WRNIP1: variants seen among roughly 807,000 people sequenced by gnomAD.
WRNIP1 encodes ATPase WRNIP1.
A neutral mutation model predicts 56.1 loss-of-function variants in WRNIP1; 41 were observed. That is an observed-to-expected ratio of 0.73 (90% CI 0.57 to 0.95). The LOEUF (loss-of-function observed/expected upper bound fraction) is 0.95. Among genes scored for constraint, WRNIP1 ranks in the 40% least tolerant of loss-of-function variants. The pLI is 0.00. For synonymous variants in WRNIP1, 547 were observed against 398.1 expected, an observed-to-expected ratio of 1.37 and a Z score of -4.45; for missense variants, 1,170 against 939.4, an observed-to-expected ratio of 1.25 and a Z score of -3.21.
In WRNIP1 at chr6:2,765,991, C is replaced by G; in HGVS notation, c.369C>G (p.Ile123Met). Residue 123 changes from isoleucine (I) to methionine (M), a missense_variant, in exon 1 of 7, where the codon ATC (isoleucine) becomes ATG (methionine). Physicochemically the swap from Ile to Met is conservative, Grantham distance 10. Transcript: ENST00000380773. ...CCACACCCAGCGGCGCCCGCCTTAT[C>G]CCCGACTTCCCGGTGGCCCGCTCCA... ...APPTPSGARL[I>M]PDFPVARSSS... 3 of 1,384,752 alleles carry G rather than the reference C, an allele frequency of 2.2e-6. No individual in the cohort carries two copies. Among genetic ancestry groups the G allele is most frequent in the Non-Finnish European group, 2.8e-6 (3 of 1,067,298 alleles). The allele number at this position is 1,384,752 out of a possible 1,614,324, so 85.8% of individuals were successfully genotyped here.
intron 1 of WRNIP1, among the ~76,000 whole-genome samples, chr6:2,767,699 A>C (rs998733158): frequency 2.6e-5 from 4 of 152,242 alleles, no homozygotes; most frequent in African/African-American, 9.6e-5. Flanking sequence ...AGAATGGATA[A>C]TCAGCTGTTG....
chr6:2,774,207 G>T, intron 3 of WRNIP1: 2 of 985,206 alleles, frequency 2.0e-6, no homozygotes, highest in East Asian at 1.1e-4. Context: ...TAATACAAGG[G>T]TGCATTAAAA....
intron 3 of WRNIP1, among the ~76,000 whole-genome samples, chr6:2,770,937 A>T (rs1484787810): frequency 6.6e-6 from 1 of 152,180 alleles, no homozygotes; most frequent in East Asian, 1.9e-4. Context: ...GGCTGTCCCT[A>T]TCCTTTTAGT....
intron 4 of WRNIP1, 50 bp from the exon 5 acceptor site, chr6:2,783,356 G>C (rs778703608): frequency 1.3e-6 from 2 of 1,485,230 alleles, no homozygotes; most frequent in South Asian, 2.7e-5. Flanking sequence ...AAGATGGCTT[G>C]GGCGCCCCTC....
At chr6:2,778,844 C>A (rs1274181308) in intron 3 of WRNIP1, among the ~76,000 whole-genome samples, 2 of 152,198 alleles carry the variant, frequency 1.3e-5, no homozygotes, top group Non-Finnish European at 2.9e-5. Context: ...GTGGTCTAAG[C>A]ACATCTGTCT....
rs1381316409 is a variant in WRNIP1 at position 2,765,486 on chromosome 6, C to T, written c.-137C>T. The T allele has an allele frequency of 3.5e-6, 4 of 1,153,396 alleles. No homozygotes were observed. Among genetic ancestry groups the T allele is most frequent in the African/African-American group, 1.6e-5 (1 of 61,432 alleles). The allele number at this position is 1,153,396 out of a possible 1,614,324, so 71.4% of individuals were successfully genotyped here. ...GGACGTGAGGCATGAGCGGCGCCCTCCTCCGGCCCGCGAGCGTCCTGCTGG... is the reference window on the plus strand; with the variant it reads ...GGACGTGAGGCATGAGCGGCGCCCTTCTCCGGCCCGCGAGCGTCCTGCTGG... On this transcript the variant is annotated 5_prime_UTR_variant, in exon 1 of 7. Transcript: ENST00000380773.
chr6:2,774,380 G>A, intron 3 of WRNIP1: 3 of 697,804 alleles, frequency 4.3e-6, no homozygotes, highest in Non-Finnish European at 5.3e-6. Context: ...GTATCAACAA[G>A]GCGATGCTCT....
At chr6:2,770,882 C>T (rs1327485156) in intron 3 of WRNIP1, among the ~76,000 whole-genome samples, 2 of 151,844 alleles carry the variant, frequency 1.3e-5, no homozygotes, top group Non-Finnish European at 2.9e-5. Context: ...AGTTGAAACT[C>T]AGTTTCATGA....
intron 3 of WRNIP1, among the ~76,000 whole-genome samples, chr6:2,772,010 A>G (rs160662): frequency 0.014 from 2,136 of 152,332 alleles, 86 homozygotes; most frequent in East Asian, 0.12. Context: ...ATTAATATTG[A>G]TGACATGAAG....
At chr6:2,771,527 C>G (rs1263701325) in intron 3 of WRNIP1, among the ~76,000 whole-genome samples, 1 of 152,160 alleles carries the variant, frequency 6.6e-6, no homozygotes, top group Admixed American at 6.5e-5. Flanking sequence ...AGGGGGCTGC[C>G]AGCTCCTCAT....
At chr6:2,774,148 T>C in intron 3 of WRNIP1, 2 of 985,154 alleles carry the variant, frequency 2.0e-6, no homozygotes, top group Non-Finnish European at 2.4e-6. Flanking sequence ...AATCTTTTTA[T>C]TTAAAAATTT....
Position 2,765,991 on chromosome 6 carries a change from C to T in WRNIP1, c.369C>T (p.Ile123=), listed in dbSNP as rs757331432. Reference sequence around the variant, plus strand: ...CCACACCCAGCGGCGCCCGCCTTATCCCCGACTTCCCGGTGGCCCGCTCCA... The same window carrying T: ...CCACACCCAGCGGCGCCCGCCTTATTCCCGACTTCCCGGTGGCCCGCTCCA... ...APPTPSGARL[I]PDFPVARSSS... The change falls in exon 1 of 7, where the codon ATC becomes ATT. Residue 123 remains isoleucine, a synonymous_variant. Transcript: ENST00000380773. 4 of 1,384,644 alleles carry T rather than the reference C, an allele frequency of 2.9e-6. No individual in the cohort carries two copies. Among genetic ancestry groups the T allele is most frequent in the East Asian group, 3.1e-5 (1 of 32,588 alleles). 85.8% of individuals were successfully genotyped at this position (1,384,644 alleles called of 1,614,324 possible).
Position 2,766,315 on chromosome 6 carries a change from G to A in WRNIP1, c.693G>A (p.Met231Ile), listed in dbSNP as rs1227551274. Residue 231 changes from methionine to isoleucine, a missense_variant, in exon 1 of 7, where the codon ATG becomes ATA. Physicochemically the swap from Met to Ile is conservative, Grantham distance 10. Transcript: ENST00000380773. Reference protein sequence around the residue: ...MLQGKPLADTMRPDTLQDYFG... With the variant: ...MLQGKPLADTIRPDTLQDYFG... ...AGGGCAAGCCGCTGGCCGACACGAT[G>A]CGTCCTGACACGCTGCAGGATTACT... 1 of 1,610,280 alleles carries A rather than the reference G, an allele frequency of 6.2e-7. No homozygotes were observed. Among genetic ancestry groups the A allele is most frequent in the African/African-American group, 1.3e-5 (1 of 74,858 alleles).
In WRNIP1 at chr6:2,785,267, G is replaced by A. The variant is rs752643222; in HGVS notation, c.1983G>A (p.Lys661=). ...PEELRGVDFF[K]QRRC ...AGTTGAGGGGGGTAGATTTCTTCAA[G>A]CAGAGGAGGTGCTGACTCCTCAGGG... The change falls in exon 7 of 7, where the codon AAG becomes AAA. Residue 661 remains lysine (K), a synonymous_variant. Coordinates refer to ENST00000380773, the MANE Select transcript of WRNIP1 (RefSeq NM_020135.3). The A allele has an allele frequency of 6.2e-6, 10 of 1,613,840 alleles. No homozygotes were observed. Among genetic ancestry groups the A allele is most frequent in the Non-Finnish European group, 8.5e-6 (10 of 1,179,852 alleles).
intron 4 of WRNIP1, 89 bp from the exon 5 acceptor site, chr6:2,783,317 G>C (rs1009930745): frequency 2.1e-6 from 3 of 1,403,970 alleles, no homozygotes; most frequent in Admixed American, 4.8e-5. Context: ...TATTCGTTCA[G>C]GCTTTCTGGA....
At chr6:2,784,820 C>T (rs1420551670) in intron 6 of WRNIP1, among the ~76,000 whole-genome samples, 187 bp from the exon 7 acceptor site, 2 of 152,070 alleles carry the variant, frequency 1.3e-5, no homozygotes, top group Non-Finnish European at 2.9e-5. Flanking sequence ...GTTTGCCTCT[C>T]GTTTCACCTC....
Position 2,766,123 on chromosome 6 carries a change from G to C in WRNIP1, c.501G>C (p.Glu167Asp). 1 of 1,325,994 alleles carries C rather than the reference G, an allele frequency of 7.5e-7. No individual in the cohort carries two copies. Among genetic ancestry groups the C allele is most frequent in the African/African-American group, 1.5e-5 (1 of 65,048 alleles). 82.1% of individuals were successfully genotyped at this position (1,325,994 alleles called of 1,614,324 possible). The stretch of plus-strand genomic sequence containing the variant: ...AGGCGGAGGCGCAGGAGGAGGAGGA[G>C]GCCGTGGGCGACGGCGATGGCGACG... Reference protein sequence around the residue: ...WDEAEAQEEEEAVGDGDGDGD... With the variant: ...WDEAEAQEEEDAVGDGDGDGD... Residue 167 changes from glutamate to aspartate, a missense_variant, in exon 1 of 7, where the codon GAG becomes GAC. Transcript: ENST00000380773.
At chr6:2,775,246 G>A (rs1765406529) in intron 3 of WRNIP1, among the ~76,000 whole-genome samples, 1 of 152,196 alleles carries the variant, frequency 6.6e-6, no homozygotes, top group Non-Finnish European at 1.5e-5. Flanking sequence ...ACTTCTTTGT[G>A]TAAGAGCAGC....
intron 4 of WRNIP1, among the ~76,000 whole-genome samples, chr6:2,783,017 C>A (rs1412908746): frequency 6.6e-6 from 1 of 152,230 alleles, no homozygotes; most frequent in Non-Finnish European, 1.5e-5. Context: ...TCCGAGCAGG[C>A]CCACCGTTGC....
Sources: gnomAD v4.1 joint callset for allele counts (sites outside exome capture counted in the v4.1 genomes callset) on GRCh38, gnomAD v4.1.1 for gene constraint, MANE v1.5 for transcripts, NCBI Gene and HGNC (gene_info 2026-07-23, HGNC 2026-07-21) for gene names.